The following PCGF3 variants were observed in gnomAD, a reference collection of about 807,000 sequenced individuals.
PCGF3 encodes the protein polycomb group RING finger protein 3.
PCGF3 carries 7 observed loss-of-function variants against 33.1 expected under a neutral mutation model. The ratio of observed to expected loss-of-function variants is 0.21; its 90% CI spans 0.12 to 0.40. The LOEUF is 0.40. Among genes scored for constraint, PCGF3 ranks in the 10% least tolerant of loss-of-function variants. The probability of loss-of-function intolerance (pLI) is 1.00; values close to 1 mark genes in which losing one functional copy is unlikely to be tolerated. For missense variants in PCGF3, 211 were observed against 313.3 expected (o/e 0.67, Z 2.46); for synonymous variants, 153 against 121.3 (o/e 1.26, Z -1.72).
intron 6 of PCGF3, among the ~76,000 whole-genome samples, chr4:741,387 CAGTG>C (rs779004078): frequency 2.0e-5 from 3 of 152,348 alleles, no homozygotes; most frequent in Non-Finnish European, 4.4e-5. Flanking sequence ...TGTCCAGAGA[CAGTG>C]AGCTCTTATT....
exon 8 of PCGF3, chr4:744,610 A>T (rs183503213): frequency 1.3e-6 from 2 of 1,557,446 alleles, no homozygotes; most frequent in East Asian, 2.4e-5. Flanking sequence ...GTGAAACCAA[A>T]GCAGACGACA....
intron 1 of PCGF3, among the ~76,000 whole-genome samples, chr4:706,337 A>T (rs565371457): frequency 9.6e-6 from 1 of 104,066 alleles, no homozygotes; most frequent in East Asian, 3.1e-4. Flanking sequence ...GGGCTGGGAC[A>T]GCAGCCCAGG....
At chr4:755,904 C>CTTTTTTTTTTTT (rs570528684) in intron 8 of PCGF3, among the ~76,000 whole-genome samples, 1 of 87,178 alleles carries the variant, frequency 1.1e-5, no homozygotes. Flanking sequence ...CAGAATTGTC[C>CTTTTTTTTTTTT]TTTTTTTTTT....
At chr4:714,845 C>T (rs1742739253) in intron 1 of PCGF3, among the ~76,000 whole-genome samples, 2 of 152,250 alleles carry the variant, frequency 1.3e-5, no homozygotes, top group African/African-American at 2.4e-5. Flanking sequence ...ACCTTAATTA[C>T]AGCTTCAAAA....
At chr4:755,149 C>T (rs948337476) in intron 8 of PCGF3, among the ~76,000 whole-genome samples, 2 of 152,212 alleles carry the variant, frequency 1.3e-5, no homozygotes, top group Non-Finnish European at 2.9e-5. Context: ...GAGCACACGG[C>T]GTTGTGTGCG....
chr4:747,910 G>A (rs1233518928), intron 8 of PCGF3, among the ~76,000 whole-genome samples: 2 of 151,758 alleles, frequency 1.3e-5, no homozygotes, highest in African/African-American at 2.4e-5. Flanking sequence ...AGAGGAACAC[G>A]TGCTTAGGGT....
chr4:734,080 C>G (rs537541814), intron 4 of PCGF3: 1 of 1,550,594 alleles, frequency 6.4e-7, no homozygotes, highest in African/African-American at 1.4e-5. Flanking sequence ...TGACAGTGCT[C>G]ACTGCTGGCA....
Position 735,046 on chromosome 4 carries a change from A to G in PCGF3, c.206+19A>G. On this transcript the variant is annotated intron_variant, in intron 5 of 10. Transcript: ENST00000362003. ...ACATCGGGTGAGTGTGGGCCTTCCC[A>G]GGCCACAGTACGTGGGGTGAGTGCC... 3 of 1,608,288 alleles carry G rather than the reference A, an allele frequency of 1.9e-6. No individual in the cohort carries two copies. Among genetic ancestry groups the G allele is most frequent in the South Asian group, 2.2e-5 (2 of 90,050 alleles).
chr4:758,322 C>T (rs1488332087), intron 8 of PCGF3, among the ~76,000 whole-genome samples: 1 of 151,088 alleles, frequency 6.6e-6, no homozygotes, highest in Non-Finnish European at 1.5e-5. Context: ...CCGCGCGGCC[C>T]CTCTCCCGAG....
At chr4:764,916 A>G (rs1745278766) in intron 9 of PCGF3, 68 bp from the exon 10 acceptor site, 2 of 1,049,784 alleles carry the variant, frequency 1.9e-6, no homozygotes, top group East Asian at 2.4e-5. Flanking sequence ...TCATACCAGC[A>G]TCAAGGTGGC....
At chr4:707,704 G>C (rs1383445432) in intron 1 of PCGF3, among the ~76,000 whole-genome samples, 6 of 128,246 alleles carry the variant, frequency 4.7e-5, no homozygotes, top group African/African-American at 1.7e-4. Context: ...TGGGGGCCGG[G>C]ACCCTGAGAC....
exon 11 of PCGF3, chr4:768,721 T>C (rs906072405): frequency 6.6e-6 from 1 of 152,658 alleles, no homozygotes; most frequent in Admixed American, 6.5e-5. Flanking sequence ...TTTATTCTAT[T>C]TTAAGCCTTC....
At chr4:756,281 C>T (rs1018951602) in intron 8 of PCGF3, among the ~76,000 whole-genome samples, 3 of 150,448 alleles carry the variant, frequency 2.0e-5, no homozygotes, top group Non-Finnish European at 3.0e-5. Context: ...GGTGCAATCT[C>T]GGCTCACTGC....
At chr4:734,049 C>A (rs1560205155) in intron 4 of PCGF3, 2 of 1,550,686 alleles carry the variant, frequency 1.3e-6, no homozygotes, top group Middle Eastern at 1.7e-4. Flanking sequence ...TCCCACGGAG[C>A]AGCAAGGCCA....
chr4:749,970 T>C (rs1211345959), intron 8 of PCGF3, among the ~76,000 whole-genome samples: 3 of 152,184 alleles, frequency 2.0e-5, no homozygotes, highest in African/African-American at 7.2e-5. Context: ...CCAGTTAACT[T>C]TTTTAATTTT....
At chr4:716,134 T>C (rs1742823817) in intron 1 of PCGF3, among the ~76,000 whole-genome samples, 1 of 119,304 alleles carries the variant, frequency 8.4e-6, no homozygotes, top group Non-Finnish European at 1.8e-5. Context: ...TGGGTGTCAG[T>C]GCTGGGACCC....
At chr4:714,729 C>T (rs1412659745) in intron 1 of PCGF3, among the ~76,000 whole-genome samples, 1 of 152,164 alleles carries the variant, frequency 6.6e-6, no homozygotes, top group African/African-American at 2.4e-5. Context: ...AGACATAGGC[C>T]CTGACGTCCT....
chr4:731,400 C>T, intron 3 of PCGF3: 1 of 380,562 alleles, frequency 2.6e-6, no homozygotes, highest in Non-Finnish European at 4.7e-6. Context: ...TGCTTGGGGG[C>T]CGAGCCTGGG....
chr4:741,418 C>T (rs922459614), intron 6 of PCGF3, among the ~76,000 whole-genome samples: 5 of 152,146 alleles, frequency 3.3e-5, no homozygotes, highest in African/African-American at 1.2e-4. Context: ...TTTATTCAAT[C>T]ATTTTTGAGA....
Sources: gnomAD v4.1 joint callset for allele counts (sites outside exome capture counted in the v4.1 genomes callset) on GRCh38, gnomAD v4.1.1 for gene constraint, MANE v1.5 for transcripts, NCBI Gene and HGNC (gene_info 2026-07-23, HGNC 2026-07-21) for gene names.